ZNF790: variants seen among roughly 807,000 people sequenced by gnomAD.
The protein encoded by ZNF790 is zinc finger protein 790.
ZNF790 carries 8 observed loss-of-function variants against 12.1 expected under a neutral mutation model. The observed-to-expected ratio is 0.66, with a 90% CI of 0.39 to 1.19. The LOEUF (loss-of-function observed/expected upper bound fraction) is 1.19, where lower values mean the gene tolerates loss of function less well. ZNF790 is among the 50% of genes most tolerant of loss of function. ZNF790 has a pLI of 0.01. For synonymous variants in ZNF790, 252 were observed against 244.3 expected (o/e 1.03, Z -0.29); for missense variants, 707 against 752.2 (o/e 0.94, Z 0.70).
At chr19:36,846,348 C>T (rs112572247) in intron 1 of ZNF790, among the ~76,000 whole-genome samples, 2,053 of 152,022 alleles carry the variant, frequency 0.014, 53 homozygotes, top group African/African-American at 0.046. Context: ...CACAAGATCA[C>T]GAGGTCAGGA....
chr19:36,818,767 C>A lies in ZNF790; in HGVS notation c.1577G>T (p.Arg526Ile), dbSNP rs375100709. ...LWGSQLTRHQ[R>I]MHTGEEPYVC... ...GTAAGGTTCCTCACCAGTATGCATT[C>A]TCTGATGTCGAGTAAGTTGTGAACC... Residue 526 changes from arginine to isoleucine, a missense_variant, in exon 5 of 5, where the codon AGA becomes ATA. Coordinates refer to ENST00000356725, the MANE Select transcript of ZNF790 (RefSeq NM_206894.4). The A allele has an allele frequency of 4.7e-5, 76 of 1,610,092 alleles. No individual in the cohort carries two copies. Among genetic ancestry groups the A allele is most frequent in the Non-Finnish European group, 6.4e-5 (76 of 1,178,438 alleles).
At chr19:36,833,596 G>A (rs2146070109) in intron 1 of ZNF790, among the ~76,000 whole-genome samples, 1 of 152,264 alleles carries the variant, frequency 6.6e-6, no homozygotes, top group South Asian at 2.1e-4. Context: ...TAAAAGGATA[G>A]CAAAAGATAT....
At chr19:36,848,065 G>GT (rs1251894276) in intron 1 of ZNF790, among the ~76,000 whole-genome samples, 1 of 152,156 alleles carries the variant, frequency 6.6e-6, no homozygotes, top group Non-Finnish European at 1.5e-5. Context: ...TGCTTCTCAG[G>GT]TATTTTGCTG....
At chr19:36,846,676 A>G (rs1027764479) in intron 1 of ZNF790, among the ~76,000 whole-genome samples, 1 of 152,226 alleles carries the variant, frequency 6.6e-6, no homozygotes, top group Non-Finnish European at 1.5e-5. Flanking sequence ...TTAGTTCACC[A>G]TTTGTGGAAG....
At chr19:36,844,340 A>C (rs12972761) in intron 1 of ZNF790, among the ~76,000 whole-genome samples, 1,744 of 150,320 alleles carry the variant, frequency 0.012, 34 homozygotes, top group Non-Finnish European at 0.014. Flanking sequence ...AAACAAAAAA[A>C]AAAAAACCCA....
chr19:36,818,738 A>G lies in ZNF790; in HGVS notation c.1606T>C (p.Cys536Arg). 1 of 1,612,728 alleles carries G rather than the reference A, an allele frequency of 6.2e-7. No homozygotes were observed. The highest frequency in any genetic ancestry group is 8.5e-7 in the Non-Finnish European group (1 of 1,179,578). The change falls in exon 5 of 5, where the codon TGT becomes CGT. Residue 536 changes from cysteine (C) to arginine (R), a missense_variant. Cys to Arg is a radical substitution (Grantham distance 180, BLOSUM62 -3). Transcript: ENST00000356725. ...ATAAAAGATTTCCCACATTCTTTAC[A>G]TACGTAAGGTTCCTCACCAGTATGC... ...RMHTGEEPYV[C>R]KECGKSFIWG...
At chr19:36,832,434 G>A (rs766010650) in intron 1 of ZNF790, among the ~76,000 whole-genome samples, 2 of 152,172 alleles carry the variant, frequency 1.3e-5, no homozygotes, top group Non-Finnish European at 2.9e-5. Context: ...GTGGCTTCCA[G>A]CTTATGCGTT....
In ZNF790 at chr19:36,818,349, T is replaced by C; in HGVS notation, c.*84A>G. 1 of 1,333,858 alleles carries C rather than the reference T, an allele frequency of 7.5e-7. No homozygotes were observed. 82.6% of individuals were successfully genotyped at this position (1,333,858 alleles called of 1,614,324 possible). On this transcript the variant is annotated 3_prime_UTR_variant, in exon 5 of 5. Transcript: ENST00000356725. ...AATGCCTTCCAATATTACTTACATTTGTGGTGTTCCTCAAGAGAAAAAAAT... is the reference window on the plus strand; with the variant it reads ...AATGCCTTCCAATATTACTTACATTCGTGGTGTTCCTCAAGAGAAAAAAAT...
upstream of ZNF790, chr19:36,850,655 T>A (rs2072239959): frequency 6.6e-6 from 1 of 152,192 alleles, no homozygotes. Flanking sequence ...GTCTAGGGAC[T>A]CCTTGTCAGG....
intron 1 of ZNF790, among the ~76,000 whole-genome samples, chr19:36,844,148 C>T (rs1030224529): frequency 7.3e-5 from 11 of 151,316 alleles, no homozygotes; most frequent in African/African-American, 2.7e-4. Context: ...CAAAACCTCA[C>T]CTCTATAAAA....
intron 1 of ZNF790, among the ~76,000 whole-genome samples, chr19:36,827,276 A>G (rs113027946): frequency 1.3e-4 from 20 of 151,010 alleles, no homozygotes; most frequent in African/African-American, 4.9e-4. Context: ...AGGATTCACC[A>G]CCAGACCGGG....
chr19:36,833,884 C>G (rs142245163), intron 1 of ZNF790, among the ~76,000 whole-genome samples: 20 of 152,154 alleles, frequency 1.3e-4, no homozygotes, highest in African/African-American at 4.8e-4. Flanking sequence ...ATACAGAGTA[C>G]AAACCATAAA....
chr19:36,821,014 C>T (rs1218356971), intron 4 of ZNF790, among the ~76,000 whole-genome samples: 1 of 149,390 alleles, frequency 6.7e-6, no homozygotes, highest in Non-Finnish European at 1.5e-5. Flanking sequence ...CGTCATTTAG[C>T]ATTAGGTGTA....
upstream of ZNF790, among the ~76,000 whole-genome samples, chr19:36,843,180 G>C (rs2072145606): frequency 6.6e-6 from 1 of 152,266 alleles, no homozygotes; most frequent in South Asian, 2.1e-4. Flanking sequence ...AGTTTTCTGG[G>C]CCTAAAAACA....
intron 1 of ZNF790, among the ~76,000 whole-genome samples, chr19:36,847,292 A>C (rs1351892679): frequency 1.3e-5 from 2 of 152,028 alleles, no homozygotes; most frequent in African/African-American, 4.8e-5. Flanking sequence ...CAGTGGTTGC[A>C]GTGAGCCGAG....
chr19:36,824,013 T>TTTTTTTTTTG (rs953562825), intron 2 of ZNF790, among the ~76,000 whole-genome samples: 8 of 146,638 alleles, frequency 5.5e-5, no homozygotes, highest in African/African-American at 2.1e-4. Context: ...TTTTTTTTTT[T>TTTTTTTTTTG]GAGACAAGAG....
At position 36,827,334 on chromosome 19, in the gene ZNF790, G is replaced by C. The variant is rs192362847; in HGVS notation, c.-73-1642C>G. 2.6e-3 allele frequency among the ~76,000 whole-genome samples: 391 copies of C among 151,786 alleles called. 3 individuals carry two copies. The highest frequency in any genetic ancestry group is 9.0e-3 in the African/African-American group (373 of 41,392). On this transcript the variant is annotated intron_variant, in intron 1 of 4. Transcript: ENST00000356725. Reference sequence around the variant, plus strand: ...GTCGGCCACCCATCCGTGCACAGGCGAGGAGAGGTCTCATGAAGCTTTGGT... The same window carrying C: ...GTCGGCCACCCATCCGTGCACAGGCCAGGAGAGGTCTCATGAAGCTTTGGT...
rs753561945 is a variant in ZNF790 at position 36,818,350 on chromosome 19, G to T, written c.*83C>A. On this transcript the variant is annotated 3_prime_UTR_variant, in exon 5 of 5. Transcript: ENST00000356725. The stretch of plus-strand genomic sequence containing the variant: ...ATGCCTTCCAATATTACTTACATTT[G>T]TGGTGTTCCTCAAGAGAAAAAAATA... 5 of 1,335,032 alleles carry T rather than the reference G, an allele frequency of 3.7e-6. No individual in the cohort carries two copies. Among genetic ancestry groups the T allele is most frequent in the Middle Eastern group, 4.4e-4 (2 of 4,516 alleles). 82.7% of individuals were successfully genotyped at this position (1,335,032 alleles called of 1,614,324 possible).
intron 1 of ZNF790, among the ~76,000 whole-genome samples, chr19:36,827,091 T>C (rs2071824819): frequency 1.5e-5 from 2 of 136,762 alleles, no homozygotes; most frequent in South Asian, 4.5e-4. Context: ...TGTGTATATA[T>C]GTGTGTGTGT....
Sources: gnomAD v4.1 joint callset for allele counts (sites outside exome capture counted in the v4.1 genomes callset) on GRCh38, gnomAD v4.1.1 for gene constraint, MANE v1.5 for transcripts, NCBI Gene and HGNC (gene_info 2026-07-23, HGNC 2026-07-21) for gene names.